RIT2: variants seen among roughly 807,000 people sequenced by gnomAD.
The protein encoded by RIT2 is Ras like without CAAX 2, also known as GTP-binding protein Rit2.
Under a neutral mutation model 23.7 loss-of-function variants are expected in RIT2, and 24 were observed. The ratio of observed to expected loss-of-function variants is 1.01; its 90% confidence interval spans 0.73 to 1.43. The LOEUF (loss-of-function observed/expected upper bound fraction) is 1.43, where lower values mean the gene tolerates loss of function less well. Among genes scored for constraint, RIT2 ranks in the 40% most tolerant of loss-of-function variants. The probability of loss-of-function intolerance (pLI) is 0.00; values close to 1 mark genes in which losing one functional copy is unlikely to be tolerated. For missense variants in RIT2, 236 were observed against 266.9 expected (o/e 0.88, Z 0.81); for synonymous variants, 107 against 91.1 (o/e 1.17, Z -0.99).
At chr18:43,061,645 T>C (rs944671932) in intron 1 of RIT2, among the ~76,000 whole-genome samples, 1 of 152,078 alleles carries the variant, frequency 6.6e-6, no homozygotes, top group African/African-American at 2.4e-5. Context: ...TTTTAACCAA[T>C]TGAACGGTGC....
At chr18:42,901,823 C>T (rs1209789274) in intron 4 of RIT2, among the ~76,000 whole-genome samples, 1 of 151,880 alleles carries the variant, frequency 6.6e-6, no homozygotes, top group Non-Finnish European at 1.5e-5. Flanking sequence ...GCAAACACCA[C>T]TTGTTGAATT....
At chr18:43,019,287 A>G (rs1911543578) in intron 2 of RIT2, among the ~76,000 whole-genome samples, 1 of 152,084 alleles carries the variant, frequency 6.6e-6, no homozygotes, top group East Asian at 1.9e-4. Context: ...AAAATTCTCA[A>G]AAAAATACTA....
intron 4 of RIT2, among the ~76,000 whole-genome samples, chr18:42,864,116 G>A (rs2144053473): frequency 6.6e-6 from 1 of 151,588 alleles, no homozygotes; most frequent in South Asian, 2.1e-4. Flanking sequence ...TCCTGACCCA[G>A]AACACAGGAT....
intron 1 of RIT2, among the ~76,000 whole-genome samples, chr18:43,086,958 A>C (rs1448112177): frequency 6.6e-6 from 1 of 152,134 alleles, no homozygotes; most frequent in Non-Finnish European, 1.5e-5. Context: ...GGCCCAGAGT[A>C]GGTATTCATG....
At chr18:42,894,621 T>C (rs1335828623) in intron 4 of RIT2, among the ~76,000 whole-genome samples, 2 of 152,156 alleles carry the variant, frequency 1.3e-5, no homozygotes, top group Admixed American at 1.3e-4. Context: ...TGTCTGATAT[T>C]GGTAAATAGT....
At chr18:42,793,378 A>C (rs1567997611) in intron 4 of RIT2, among the ~76,000 whole-genome samples, 1 of 152,120 alleles carries the variant, frequency 6.6e-6, no homozygotes, top group Non-Finnish European at 1.5e-5. Flanking sequence ...TCCCTCATAC[A>C]TCTACTCTTC....
At chr18:42,847,975 C>G (rs1292278469) in intron 4 of RIT2, among the ~76,000 whole-genome samples, 1 of 150,606 alleles carries the variant, frequency 6.6e-6, no homozygotes, top group Non-Finnish European at 1.5e-5. Flanking sequence ...ATGATAGACA[C>G]TGTGATAGGC....
At position 42,786,956 on chromosome 18, in the gene RIT2, A is replaced by G. The variant is rs533023605; in HGVS notation, c.427-43236T>C. On this transcript the variant is annotated intron_variant, in intron 4 of 4. Transcript: ENST00000326695. ...CAGAAAATACTCTAGAGGTGACAAA[A>G]TTTATAGACAGGAAAAGTGGAGTCT... Among the ~76,000 whole-genome samples, 10 of 152,252 alleles carry G rather than the reference A, an allele frequency of 6.6e-5. No individual in the cohort carries two copies. In the South Asian group the frequency reaches 1.9e-3, roughly 28 times the overall value.
chr18:42,791,702 T>C (rs1914047378), intron 4 of RIT2, among the ~76,000 whole-genome samples: 1 of 152,246 alleles, frequency 6.6e-6, no homozygotes, highest in African/African-American at 2.4e-5. Flanking sequence ...TCCATTTTTG[T>C]GGTAAACGTT....
chr18:43,028,493 G>T (rs1911782812), intron 2 of RIT2, among the ~76,000 whole-genome samples: 1 of 152,032 alleles, frequency 6.6e-6, no homozygotes, highest in African/African-American at 2.4e-5. Flanking sequence ...GATGAAGGCA[G>T]AATTCAATAT....
At chr18:42,992,146 C>G (rs1212896016) in intron 2 of RIT2, among the ~76,000 whole-genome samples, 1 of 11,070 alleles carries the variant, frequency 9.0e-5, no homozygotes, top group African/African-American at 9.7e-5. Flanking sequence ...CTTCCACCCT[C>G]CATTCCTCCA....
At chr18:42,917,941 C>T (rs189204888) in intron 4 of RIT2, among the ~76,000 whole-genome samples, 48 of 152,244 alleles carry the variant, frequency 3.2e-4, no homozygotes, top group Non-Finnish European at 6.0e-4. Context: ...AACCCCTTCC[C>T]TTGCTTCATT....
At chr18:42,861,973 C>A (rs1907339632) in intron 4 of RIT2, among the ~76,000 whole-genome samples, 1 of 152,144 alleles carries the variant, frequency 6.6e-6, no homozygotes, top group Non-Finnish European at 1.5e-5. Flanking sequence ...CTAATCCTAC[C>A]TTCTATCCTG....
At chr18:42,992,773 G>T (rs975512396) in intron 2 of RIT2, among the ~76,000 whole-genome samples, 6 of 152,046 alleles carry the variant, frequency 3.9e-5, no homozygotes, top group African/African-American at 1.5e-4. Flanking sequence ...ATCAGTTAGC[G>T]TTTAGGCTCT....
chr18:42,940,408 C>G (rs1276147550), intron 3 of RIT2, among the ~76,000 whole-genome samples: 1 of 149,888 alleles, frequency 6.7e-6, no homozygotes, highest in African/African-American at 2.4e-5. Flanking sequence ...TATATATACA[C>G]ACACATATAT....
chr18:43,034,004 A>C (rs1911917813), intron 1 of RIT2, 137 bp from the exon 2 acceptor site: 1 of 588,146 alleles, frequency 1.7e-6, no homozygotes, highest in Non-Finnish European at 3.0e-6. Flanking sequence ...TTAATTTCAC[A>C]CAAAATGAAA....
At chr18:42,874,265 T>C (rs1046125292) in intron 4 of RIT2, among the ~76,000 whole-genome samples, 1 of 152,200 alleles carries the variant, frequency 6.6e-6, no homozygotes, top group African/African-American at 2.4e-5. Flanking sequence ...TAATGTTCAC[T>C]ACAGAAGGTA....
At chr18:42,944,963 G>A (rs112371942) in intron 3 of RIT2, among the ~76,000 whole-genome samples, 1 of 152,068 alleles carries the variant, frequency 6.6e-6, no homozygotes, top group Non-Finnish European at 1.5e-5. Context: ...GGAGAGACAA[G>A]AGGGCAGTTG....
intron 4 of RIT2, among the ~76,000 whole-genome samples, chr18:42,800,388 C>A (rs891877938): frequency 1.3e-5 from 2 of 152,102 alleles, no homozygotes; most frequent in Non-Finnish European, 2.9e-5. Flanking sequence ...TTCTGTGGTA[C>A]TTCAGGGATT....
Sources: gnomAD v4.1 joint callset for allele counts (sites outside exome capture counted in the v4.1 genomes callset) on GRCh38, gnomAD v4.1.1 for gene constraint, MANE v1.5 for transcripts, NCBI Gene and HGNC (gene_info 2026-07-23, HGNC 2026-07-21) for gene names.